Variants in TENM4 observed in about 807,000 individuals in gnomAD.
TENM4 encodes teneurin transmembrane protein 4, also known as teneurin-4.
TENM4 carries 82 observed loss-of-function variants against 243.3 expected under a neutral mutation model. The observed-to-expected ratio is 0.34, with a 90% CI of 0.28 to 0.40. The LOEUF is 0.40. Ranked by LOEUF, TENM4 falls within the 10% of genes least tolerant of loss-of-function variation. TENM4 has a pLI of 1.00. For synonymous variants in TENM4, 1,412 were observed against 1,456.3 expected (o/e 0.97, Z 0.69); for missense variants, 3,138 against 3,673.3 (o/e 0.85, Z 3.77).
chr11:78,805,282 C>CCCCCCCCCCCCCCCCCCCCCCCTTTTT lies in TENM4; in HGVS notation c.2179+9_2179+10insAAAAAGGGGGGGGGGGGGGGGGGGGGG. 5 of 995,558 alleles carry CCCCCCCCCCCCCCCCCCCCCCCTTTTT rather than the reference C, an allele frequency of 5.0e-6. No homozygotes were observed. In the South Asian group the frequency reaches 9.7e-5, roughly 19 times the overall value. 61.7% of individuals were successfully genotyped at this position (995,558 alleles called of 1,614,324 possible). ...CCCTCTACCCATGCTTCTTCTCCCCCTGCATTTACCGATAGAACAGTCGTG... is the reference window on the plus strand; with the variant it reads ...CCCTCTACCCATGCTTCTTCTCCCCCCCCCCCCCCCCCCCCCCCCCCCTTTTTTGCATTTACCGATAGAACAGTCGTG... On this transcript the variant is annotated intron_variant, in intron 15 of 33. Transcript: ENST00000278550.
At chr11:79,433,607 C>T (rs1565344861) in intron 1 of TENM4, among the ~76,000 whole-genome samples, 1 of 152,130 alleles carries the variant, frequency 6.6e-6, no homozygotes, top group Non-Finnish European at 1.5e-5. Flanking sequence ...TAATGATTAA[C>T]CAATTGCCTC....
chr11:79,371,743 T>C (rs1323995786), intron 1 of TENM4, among the ~76,000 whole-genome samples: 1 of 152,226 alleles, frequency 6.6e-6, no homozygotes, highest in Non-Finnish European at 1.5e-5. Context: ...GTTAATATGA[T>C]AATTGTTGTT....
intron 6 of TENM4, among the ~76,000 whole-genome samples, chr11:79,032,595 G>A (rs77123186): frequency 2.0e-5 from 3 of 152,220 alleles, no homozygotes; most frequent in Admixed American, 6.5e-5. Context: ...ATCAGGCGCC[G>A]TTCCCCTTAG....
chr11:79,375,442 T>C (rs1402901241), intron 1 of TENM4, among the ~76,000 whole-genome samples: 3 of 152,240 alleles, frequency 2.0e-5, no homozygotes, highest in African/African-American at 7.2e-5. Flanking sequence ...TAGCTCTTTA[T>C]CCTTTTTCCA....
intron 2 of TENM4, among the ~76,000 whole-genome samples, chr11:79,281,639 G>T (rs1299131935): frequency 6.6e-6 from 1 of 152,120 alleles, no homozygotes; most frequent in Non-Finnish European, 1.5e-5. Flanking sequence ...GGAAAATAAG[G>T]CTCCTAGCGG....
intron 2 of TENM4, among the ~76,000 whole-genome samples, chr11:79,254,188 C>A (rs1411427382): frequency 2.6e-5 from 4 of 152,186 alleles, no homozygotes; most frequent in African/African-American, 9.7e-5. Context: ...TTACTCTCCA[C>A]TTACACCCAT....
intron 12 of TENM4, among the ~76,000 whole-genome samples, chr11:78,832,317 A>G (rs553283517): frequency 2.6e-5 from 4 of 152,244 alleles, no homozygotes; most frequent in African/African-American, 4.8e-5. Flanking sequence ...TACTCCCCCA[A>G]TTGTTGTTTT....
chr11:78,717,663 C>A (rs1394772889), intron 25 of TENM4, among the ~76,000 whole-genome samples: 2 of 152,218 alleles, frequency 1.3e-5, no homozygotes, highest in Non-Finnish European at 2.9e-5. Context: ...TAAATGGCAG[C>A]TTTTAAGCAA....
At chr11:79,324,619 C>T (rs577943) in intron 1 of TENM4, among the ~76,000 whole-genome samples, 127,200 of 152,100 alleles carry the variant, frequency 0.84, 53,864 homozygotes, top group African/African-American at 0.94. Context: ...TGTATGGATA[C>T]GGATATAGAT....
chr11:79,281,759 G>A (rs567110147), intron 2 of TENM4, among the ~76,000 whole-genome samples: 6 of 152,286 alleles, frequency 3.9e-5, no homozygotes, highest in African/African-American at 1.4e-4. Context: ...CTGCCTCTCT[G>A]GCATAACTGG....
At chr11:78,715,780 T>C (rs1274897886) in intron 25 of TENM4, among the ~76,000 whole-genome samples, 1 of 152,316 alleles carries the variant, frequency 6.6e-6, no homozygotes, top group African/African-American at 2.4e-5. Context: ...AAATTATACA[T>C]CTCAACAGCC....
chr11:79,239,812 G>A (rs2135278624), intron 2 of TENM4, among the ~76,000 whole-genome samples: 1 of 152,256 alleles, frequency 6.6e-6, no homozygotes, highest in South Asian at 2.1e-4. Context: ...TGAGAAAACT[G>A]AGGCTTGGGC....
intron 2 of TENM4, among the ~76,000 whole-genome samples, chr11:79,232,065 G>A (rs934154573): frequency 2.0e-5 from 3 of 152,162 alleles, no homozygotes; most frequent in Non-Finnish European, 2.9e-5. Flanking sequence ...GAGGGACAGG[G>A]TGAGACTGTC....
intron 19 of TENM4, among the ~76,000 whole-genome samples, chr11:78,746,937 G>A (rs1373604115): frequency 6.6e-6 from 1 of 152,178 alleles, no homozygotes; most frequent in African/African-American, 2.4e-5. Flanking sequence ...CTCGCCTTCT[G>A]TCAGGGACAG....
At chr11:78,944,249 T>C (rs1271407094) in intron 6 of TENM4, among the ~76,000 whole-genome samples, 2 of 151,856 alleles carry the variant, frequency 1.3e-5, no homozygotes, top group East Asian at 3.9e-4. Flanking sequence ...TTGGGGTTCG[T>C]AGTCCTGACT....
rs145885180 is a variant in TENM4 at position 79,160,753 on chromosome 11, T to G, written c.-162-11947A>C. ...TGACCTCTTACCCTGTATCAGGTAT[T>G]TCTCATACTTTATTCTAGTTGTCCC... is the stretch of plus-strand genomic sequence containing the variant. On this transcript the variant is annotated intron_variant, in intron 3 of 33. Transcript: ENST00000278550. Among the ~76,000 whole-genome samples, 1,231 of 152,294 alleles carry G rather than the reference T, an allele frequency of 8.1e-3. 8 individuals carry two copies. The highest frequency in any genetic ancestry group is 0.013 in the Non-Finnish European group (870 of 68,022).
At chr11:79,345,940 T>C (rs1350031038) in intron 1 of TENM4, among the ~76,000 whole-genome samples, 1 of 152,216 alleles carries the variant, frequency 6.6e-6, no homozygotes, top group Non-Finnish European at 1.5e-5. Context: ...AGCATCATTA[T>C]TTGGGAACTT....
intron 28 of TENM4, among the ~76,000 whole-genome samples, chr11:78,698,978 T>A (rs1260885087): frequency 6.6e-6 from 1 of 152,236 alleles, no homozygotes; most frequent in Non-Finnish European, 1.5e-5. Context: ...TTGATTCTGC[T>A]CTTCTCACCT....
intron 1 of TENM4, among the ~76,000 whole-genome samples, chr11:79,331,308 A>T (rs1431919946): frequency 6.6e-6 from 1 of 152,064 alleles, no homozygotes; most frequent in African/African-American, 2.4e-5. Flanking sequence ...GCCTTGGAGT[A>T]AGAGTCTTGA....
Sources: allele counts gnomAD v4.1 joint callset (sites outside exome capture counted in the v4.1 genomes callset), GRCh38; gene constraint gnomAD v4.1.1; transcripts MANE v1.5; gene names NCBI Gene and HGNC (gene_info 2026-07-23, HGNC 2026-07-21).